Variants in SASH1 observed in about 807,000 individuals in gnomAD.
The protein encoded by SASH1 is SAM and SH3 domain containing 1, also known as SAM and SH3 domain-containing protein 1.
Under a neutral mutation model 125.2 loss-of-function variants are expected in SASH1, and 44 were observed. The observed-to-expected ratio is 0.35, with a 90% confidence interval of 0.28 to 0.45. SASH1 has a LOEUF of 0.45. SASH1 is among the 20% of genes least tolerant of loss of function. SASH1 has a pLI of 1.00. For synonymous variants in SASH1, 639 were observed against 649.1 expected (o/e 0.98, Z 0.24); for missense variants, 1,426 against 1,614.5 (o/e 0.88, Z 2.00).
At chr6:148,356,964 G>A (rs960066054) in intron 1 of SASH1, among the ~76,000 whole-genome samples, 2 of 152,044 alleles carry the variant, frequency 1.3e-5, no homozygotes, top group South Asian at 2.1e-4. Flanking sequence ...TCCTTTGTTT[G>A]TTGGCCGTTT....
At chr6:148,458,438 A>G (rs1022890840) in intron 4 of SASH1, among the ~76,000 whole-genome samples, 23 of 152,188 alleles carry the variant, frequency 1.5e-4, no homozygotes, top group Non-Finnish European at 3.1e-4. Flanking sequence ...TGTAAGTAAG[A>G]AAGAAAATGA....
chr6:148,441,317 C>T (rs983065149), intron 4 of SASH1, among the ~76,000 whole-genome samples: 5 of 152,226 alleles, frequency 3.3e-5, no homozygotes. Context: ...GCTGCTGGCA[C>T]AGGCGGTTCT....
intron 16 of SASH1, among the ~76,000 whole-genome samples, chr6:148,536,351 G>GT (rs1187449826): frequency 1.3e-5 from 2 of 152,046 alleles, no homozygotes; most frequent in Non-Finnish European, 2.9e-5. Context: ...ATTTTGTTTT[G>GT]TTTTTGAGAC....
intron 17 of SASH1, among the ~76,000 whole-genome samples, chr6:148,541,556 C>T (rs1046375260): frequency 9.2e-5 from 14 of 152,030 alleles, no homozygotes; most frequent in African/African-American, 3.1e-4. Flanking sequence ...CTGTGTACTA[C>T]ATGTTGAATG....
At position 148,519,659 on chromosome 6, in the gene SASH1, C is replaced by T. The variant is rs1371679430; in HGVS notation, c.975C>T (p.Pro325=). The T allele has an allele frequency of 1.7e-5, 27 of 1,614,052 alleles. No homozygotes were observed. Among genetic ancestry groups the T allele is most frequent in the East Asian group, 2.2e-5 (1 of 44,854 alleles). ...LFFDGSPEKP[P]EDDSDSLTTS... is the part of the protein sequence containing the mutation. The stretch of plus-strand genomic sequence containing the variant: ...TTGATGGCTCTCCTGAGAAACCTCC[C>T]GAAGATGACTCAGACTCTCTCACCA... The change falls in exon 10 of 20, where the codon CCC becomes CCT. Residue 325 remains proline (P), a synonymous_variant. Transcript: ENST00000367467. This position sits in a 1 kb window ranked among gnomAD's most constrained non-coding sequence, Gnocchi z 4.8.
chr6:148,515,660 A>C (rs1364645858), intron 9 of SASH1, among the ~76,000 whole-genome samples: 1 of 152,182 alleles, frequency 6.6e-6, no homozygotes, highest in African/African-American at 2.4e-5. Flanking sequence ...ATTTGGATGC[A>C]ATGCTGATTT....
intron 4 of SASH1, among the ~76,000 whole-genome samples, chr6:148,462,618 T>G (rs1777667025): frequency 6.6e-6 from 1 of 152,206 alleles, no homozygotes; most frequent in Non-Finnish European, 1.5e-5. Context: ...TTCTGATACT[T>G]CCATAGACCA....
intron 1 of SASH1, among the ~76,000 whole-genome samples, chr6:148,326,335 TATATATATATATATATATATATGC>T (rs1408274809): frequency 2.4e-4 from 16 of 67,144 alleles, no homozygotes; most frequent in East Asian, 1.0e-3. Flanking sequence ...TATATATATA[TATATATATATATATATATATATGC>T]ATATATATAT....
rs76250171 is a variant in SASH1 at position 148,418,344 on chromosome 6, C to T, written c.286-21840C>T. ...ATAAACAAGGACAAATGGCAGTCTA[C>T]GTGATCCCTGACAAAACCCTTGACA... is the stretch of plus-strand genomic sequence containing the variant. On this transcript the variant is annotated intron_variant, in intron 2 of 19. Coordinates refer to ENST00000367467, the MANE Select transcript of SASH1 (RefSeq NM_015278.5). Among the ~76,000 whole-genome samples the T allele has an allele frequency of 5.8e-3, 887 of 152,292 alleles. 71 individuals carry two copies. The East Asian group carries it at 0.15, about 26-fold the overall frequency.
chr6:148,509,903 A>G (rs1164774385), intron 8 of SASH1, among the ~76,000 whole-genome samples: 1 of 152,186 alleles, frequency 6.6e-6, no homozygotes, highest in East Asian at 1.9e-4. Context: ...CAGATGTGTC[A>G]AGGATGCACT....
chr6:148,395,768 A>G (rs1277060572), intron 2 of SASH1, among the ~76,000 whole-genome samples: 1 of 152,170 alleles, frequency 6.6e-6, no homozygotes, highest in Non-Finnish European at 1.5e-5. Flanking sequence ...AGAAGCTGCA[A>G]TCAGAAATGC....
At position 148,418,207 on chromosome 6, in the gene SASH1, G is replaced by T. The variant is rs577925219; in HGVS notation, c.286-21977G>T. Among the ~76,000 whole-genome samples, 12 of 152,104 alleles carry T rather than the reference G, an allele frequency of 7.9e-5. No individual in the cohort carries two copies. The East Asian group carries it at 2.3e-3, about 29-fold the overall frequency. The stretch of plus-strand genomic sequence containing the variant: ...AAATCAGCCATCATTTCAATTTTTT[G>T]TTTACCACTTGCATATAGTTATTTA... On this transcript the variant is annotated intron_variant, in intron 2 of 19. Transcript: ENST00000367467.
intron 1 of SASH1, among the ~76,000 whole-genome samples, chr6:148,302,772 G>A (rs13201991): frequency 0.28 from 40,633 of 146,310 alleles, 5,954 homozygotes; most frequent in South Asian, 0.36. Flanking sequence ...CTGTGTGTGT[G>A]TATATATATA....
chr6:148,500,516 T>A (rs936959093), intron 8 of SASH1, among the ~76,000 whole-genome samples: 3 of 152,200 alleles, frequency 2.0e-5, no homozygotes, highest in African/African-American at 7.2e-5. Context: ...TTCCATCGTT[T>A]CACTCATTGC....
chr6:148,387,693 G>A (rs574574560), intron 1 of SASH1, among the ~76,000 whole-genome samples: 41 of 92,062 alleles, frequency 4.5e-4, no homozygotes, highest in African/African-American at 1.2e-3. Context: ...TCTTTCTTTC[G>A]GCATCCTTAG....
chr6:148,264,254 A>G, the SASH1 span, among the ~76,000 whole-genome samples: 2 of 151,470 alleles, frequency 1.3e-5, no homozygotes, highest in Admixed American at 1.3e-4. Flanking sequence ...AATGGTCTAT[A>G]TATCTATATC....
At chr6:148,232,879 A>G in the SASH1 span, among the ~76,000 whole-genome samples, 35 of 152,302 alleles carry the variant, frequency 2.3e-4, no homozygotes, top group Non-Finnish European at 4.7e-4. Flanking sequence ...TATATATAGT[A>G]CATTATCTGG....
chr6:148,419,312 G>A (rs1365649885), intron 2 of SASH1, among the ~76,000 whole-genome samples: 3 of 152,106 alleles, frequency 2.0e-5, no homozygotes, highest in African/African-American at 7.2e-5. Context: ...ACCCTTTTTG[G>A]ATTCTCTTTA....
At chr6:148,199,870 G>C in the SASH1 span, among the ~76,000 whole-genome samples, 2 of 151,916 alleles carry the variant, frequency 1.3e-5, no homozygotes, top group East Asian at 3.9e-4. Flanking sequence ...GAAAAGAGAA[G>C]GCAACCTGGA....
Sources: gnomAD v4.1 joint callset for allele counts (sites outside exome capture counted in the v4.1 genomes callset) on GRCh38, gnomAD v4.1.1 for gene constraint, Gnocchi (gnomAD v3.1) non-coding constraint, MANE v1.5 for transcripts, NCBI Gene and HGNC (gene_info 2026-07-23, HGNC 2026-07-21) for gene names.